The following PRKCZ variants were observed in gnomAD, a reference collection of about 807,000 sequenced individuals.
PRKCZ encodes the protein protein kinase C zeta type.
PRKCZ carries 33 observed loss-of-function variants against 79.5 expected under a neutral mutation model. That is an observed-to-expected ratio of 0.41 (90% CI 0.31 to 0.55). The LOEUF is 0.55. Among genes scored for constraint, PRKCZ ranks in the 20% least tolerant of loss-of-function variants. The pLI, the probability that PRKCZ is intolerant of heterozygous loss-of-function variation, is 0.19. For missense variants in PRKCZ, 578 were observed against 813.5 expected (o/e 0.71, Z 3.52); for synonymous variants, 342 against 320.9 (o/e 1.07, Z -0.70).
chr1:2,131,711 G>A (rs546446291), intron 4 of PRKCZ, among the ~76,000 whole-genome samples: 2 of 152,354 alleles, frequency 1.3e-5, no homozygotes, highest in Admixed American at 6.5e-5. Flanking sequence ...GTCCCCCGCC[G>A]CTGCTAGCCT....
chr1:2,097,166 G>A (rs1666670504), intron 4 of PRKCZ, among the ~76,000 whole-genome samples: 2 of 152,204 alleles, frequency 1.3e-5, no homozygotes, highest in Admixed American at 6.5e-5. Context: ...CTGGGGAGCA[G>A]CAAAGCAGTT....
chr1:2,057,685 G>C (rs1032068942), intron 3 of PRKCZ, among the ~76,000 whole-genome samples: 1 of 151,016 alleles, frequency 6.6e-6, no homozygotes, highest in Admixed American at 6.6e-5. Flanking sequence ...GGGCAACATA[G>C]TGAGACCCCC....
At chr1:2,085,560 A>G (rs536382259) in intron 4 of PRKCZ, among the ~76,000 whole-genome samples, 2 of 152,346 alleles carry the variant, frequency 1.3e-5, no homozygotes, top group East Asian at 3.9e-4. Flanking sequence ...CTCAGAGCCC[A>G]TGCAGCGCCA....
At chr1:2,104,458 C>T (rs1668019253) in intron 4 of PRKCZ, among the ~76,000 whole-genome samples, 1 of 152,122 alleles carries the variant, frequency 6.6e-6, no homozygotes, top group East Asian at 1.9e-4. Flanking sequence ...GGGGCCAGTA[C>T]AGCAGCATCG....
intron 4 of PRKCZ, among the ~76,000 whole-genome samples, chr1:2,115,138 C>T (rs762523042): frequency 1.3e-5 from 2 of 152,354 alleles, no homozygotes; most frequent in East Asian, 1.9e-4. Flanking sequence ...TCTTGGGATC[C>T]GGGGCCATCC....
In PRKCZ at chr1:2,174,444, C is replaced by T. The variant is rs757467424; in HGVS notation, c.1406-310C>T. 7.4e-4 allele frequency among the ~76,000 whole-genome samples: 112 copies of T among 152,358 alleles called. 1 individual carries two copies. Among genetic ancestry groups the T allele is most frequent in the Non-Finnish European group, 1.6e-4 (11 of 68,030 alleles). On this transcript the variant is annotated intron_variant, in intron 14 of 17. Coordinates refer to ENST00000378567, the MANE Select transcript of PRKCZ (RefSeq NM_002744.6). This position sits in a 1 kb window ranked among gnomAD's most constrained non-coding sequence, Gnocchi z 6.2. Reference sequence around the variant, plus strand: ...TGTGGGGATGTGGGATCTGGGAACGCGGCTGTCTCCGCGGTGCCCTCTGGT... The same window carrying T: ...TGTGGGGATGTGGGATCTGGGAACGTGGCTGTCTCCGCGGTGCCCTCTGGT...
At chr1:2,077,889 C>T (rs538013861) in intron 4 of PRKCZ, among the ~76,000 whole-genome samples, 14 of 152,248 alleles carry the variant, frequency 9.2e-5, no homozygotes, top group African/African-American at 1.7e-4. Flanking sequence ...TGTTTTTAAT[C>T]ATTGAGTGTT....
intron 4 of PRKCZ, among the ~76,000 whole-genome samples, chr1:2,088,558 C>T (rs907118009): frequency 2.6e-5 from 4 of 152,210 alleles, no homozygotes; most frequent in Admixed American, 2.0e-4. Context: ...ACGCCCAGAG[C>T]GGCTTCCGGA....
intron 5 of PRKCZ, chr1:2,143,455 C>T (rs761535649): frequency 1.3e-5 from 2 of 152,364 alleles, no homozygotes; most frequent in South Asian, 4.1e-4. Flanking sequence ...ATTGGAGGCT[C>T]TGGGCACATG....
At chr1:2,144,406 T>C in intron 6 of PRKCZ, 65 bp downstream of exon 6, 2 of 1,532,746 alleles carry the variant, frequency 1.3e-6, no homozygotes, top group Non-Finnish European at 1.8e-6. Flanking sequence ...AGCCAGCCCA[T>C]TGTCCAAGCA....
At chr1:2,092,812 G>A (rs1265672283) in intron 4 of PRKCZ, among the ~76,000 whole-genome samples, 1 of 152,200 alleles carries the variant, frequency 6.6e-6, no homozygotes, top group African/African-American at 2.4e-5. Context: ...TCGGGAGGAG[G>A]GGCCAGGTGG....
At chr1:2,064,010 TA>T (rs1239909558) in intron 4 of PRKCZ, among the ~76,000 whole-genome samples, 2 of 152,158 alleles carry the variant, frequency 1.3e-5, no homozygotes, top group African/African-American at 4.8e-5. Context: ...CATGTCCAGC[TA>T]GTTTTTGTAT....
intron 5 of PRKCZ, among the ~76,000 whole-genome samples, chr1:2,137,185 C>T (rs982330089): frequency 1.3e-5 from 2 of 152,094 alleles, no homozygotes; most frequent in African/African-American, 4.8e-5. Flanking sequence ...ATCTGATGTC[C>T]CAGGGTAGGA....
rs1186341563 is a variant in PRKCZ, at chr1:2,172,837, G to T, written c.1285+449G>T. ...GTTTCTGCTCCTCTCCCCTCTCTGGGCGTGAAACGGGGACATGGGCACGCG... is the reference window on the plus strand; with the variant it reads ...GTTTCTGCTCCTCTCCCCTCTCTGGTCGTGAAACGGGGACATGGGCACGCG... On this transcript the variant is annotated intron_variant, in intron 13 of 17. Transcript: ENST00000378567. This position sits in a 1 kb window ranked among gnomAD's most constrained non-coding sequence, Gnocchi z 7.8. 6.6e-6 allele frequency among the ~76,000 whole-genome samples: 1 copy of T among 152,234 alleles called. No homozygotes were observed. Among genetic ancestry groups the T allele is most frequent in the African/African-American group, 2.4e-5 (1 of 41,466 alleles).
intron 4 of PRKCZ, among the ~76,000 whole-genome samples, chr1:2,070,378 C>T (rs2102298268): frequency 6.6e-6 from 1 of 152,320 alleles, no homozygotes; most frequent in Middle Eastern, 3.4e-3. Context: ...CCCCAGGCAG[C>T]TGGGACCCTC....
Position 2,127,647 on chromosome 1 carries a change from C to T in PRKCZ, c.335-7615C>T, listed in dbSNP as rs61243022. Among the ~76,000 whole-genome samples, 14 of 152,180 alleles carry T rather than the reference C, an allele frequency of 9.2e-5. No individual in the cohort carries two copies. The highest frequency in any genetic ancestry group is 3.1e-4 in the African/African-American group (13 of 41,460). On this transcript the variant is annotated intron_variant, in intron 4 of 17. Coordinates refer to ENST00000378567, the MANE Select transcript of PRKCZ (RefSeq NM_002744.6). The surrounding 1 kb of genome is among the most constrained non-coding windows in gnomAD (Gnocchi z 5.1). The stretch of plus-strand genomic sequence containing the variant: ...GTGGGAGCTCTGGTGCAGGTGTAGC[C>T]GAGGCTCAGGGGCTCCACACCAGGC...
Position 2,127,607 on chromosome 1 carries a change from C to A in PRKCZ, c.335-7655C>A, listed in dbSNP as rs1396837835. ...TTCAGACAGCTCTGCTGGGAGCGTTCTGGCCTGAAATGCAGTGGGAGCTCT... is the reference window on the plus strand; with the variant it reads ...TTCAGACAGCTCTGCTGGGAGCGTTATGGCCTGAAATGCAGTGGGAGCTCT... On this transcript the variant is annotated intron_variant, in intron 4 of 17. Transcript: ENST00000378567. The surrounding 1 kb of genome is among the most constrained non-coding windows in gnomAD (Gnocchi z 5.1). 6.6e-6 allele frequency among the ~76,000 whole-genome samples: 1 copy of A among 152,240 alleles called. No homozygotes were observed. Among genetic ancestry groups the A allele is most frequent in the African/African-American group, 2.4e-5 (1 of 41,462 alleles).
rs571895458 is a variant in PRKCZ at position 2,126,486 on chromosome 1, G to T, written c.335-8776G>T. Among the ~76,000 whole-genome samples, 1,381 of 152,056 alleles carry T rather than the reference G, an allele frequency of 9.1e-3. 12 individuals are homozygous for T. Among genetic ancestry groups the T allele is most frequent in the South Asian group, 0.023 (111 of 4,828 alleles). ...CCAGCCGCCTTGGGCTGGGGACCCT[G>T]CCCCGCCGACCCTGCCATGCCCACC... is the stretch of plus-strand genomic sequence containing the variant. On this transcript the variant is annotated intron_variant, in intron 4 of 17. Coordinates refer to ENST00000378567, the MANE Select transcript of PRKCZ (RefSeq NM_002744.6).
intron 4 of PRKCZ, among the ~76,000 whole-genome samples, chr1:2,124,231 G>A (rs750806756): frequency 0.17 from 472 of 2,826 alleles, 15 homozygotes; most frequent in East Asian, 0.36. Flanking sequence ...TCACGGTGGT[G>A]GTTAGGGTCA....
Sources: gnomAD v4.1 joint callset for allele counts (sites outside exome capture counted in the v4.1 genomes callset) on GRCh38, gnomAD v4.1.1 for gene constraint, Gnocchi (gnomAD v3.1) non-coding constraint, MANE v1.5 for transcripts, NCBI Gene and HGNC (gene_info 2026-07-23, HGNC 2026-07-21) for gene names.